The following NRXN3 variants were observed in gnomAD, a reference collection of about 807,000 sequenced individuals.
NRXN3 encodes the protein neurexin III.
Under a neutral mutation model 137.6 loss-of-function variants are expected in NRXN3, and 32 were observed. That is an observed-to-expected ratio of 0.23 (90% CI 0.18 to 0.31). The LOEUF (loss-of-function observed/expected upper bound fraction) is 0.31, where lower values mean the gene tolerates loss of function less well. Among genes scored for constraint, NRXN3 ranks in the 10% least tolerant of loss-of-function variants. The pLI is 1.00. For missense variants in NRXN3, 1,574 were observed against 2,062.5 expected (o/e 0.76, Z 4.59); for synonymous variants, 798 against 784.5 (o/e 1.02, Z -0.29).
At chr14:78,366,081 G>A (rs576319153) in intron 4 of NRXN3, among the ~76,000 whole-genome samples, 2 of 152,054 alleles carry the variant, frequency 1.3e-5, no homozygotes, top group Non-Finnish European at 2.9e-5. Context: ...TTCTTCCTCT[G>A]TAAATGGGGA....
chr14:79,449,990 CAAAAA>C (rs66658022), intron 15 of NRXN3, among the ~76,000 whole-genome samples: 25 of 40,790 alleles, frequency 6.1e-4, no homozygotes, highest in African/African-American at 1.8e-3. Flanking sequence ...AACTCCATCT[CAAAAA>C]AAAAAAAAAA....
At chr14:78,594,547 C>T (rs1280124368) in intron 4 of NRXN3, among the ~76,000 whole-genome samples, 1 of 152,210 alleles carries the variant, frequency 6.6e-6, no homozygotes, top group Non-Finnish European at 1.5e-5. Context: ...ATGGTTTTCT[C>T]AGTAACCGAT....
intron 19 of NRXN3, among the ~76,000 whole-genome samples, chr14:79,724,323 C>T (rs2098866493): frequency 6.6e-6 from 1 of 152,088 alleles, no homozygotes; most frequent in South Asian, 2.1e-4. Flanking sequence ...ACTCTCTATT[C>T]CACAGACATC....
intron 5 of NRXN3, among the ~76,000 whole-genome samples, chr14:78,649,640 A>G (rs2097721089): frequency 6.7e-6 from 1 of 149,768 alleles, no homozygotes. Flanking sequence ...CTTCCAAGTT[A>G]CATACTAGGG....
intron 16 of NRXN3, among the ~76,000 whole-genome samples, chr14:79,492,693 T>C (rs999927817): frequency 6.6e-6 from 1 of 152,190 alleles, no homozygotes; most frequent in African/African-American, 2.4e-5. Flanking sequence ...ATGTATCATT[T>C]TCTAGAATAC....
chr14:78,925,768 A>G (rs220104), intron 10 of NRXN3, among the ~76,000 whole-genome samples: 47,788 of 151,878 alleles, frequency 0.31, 9,112 homozygotes, highest in African/African-American at 0.53. Flanking sequence ...CCTCATAAAA[A>G]CCCGCCAAGG....
intron 2 of NRXN3, among the ~76,000 whole-genome samples, chr14:78,271,568 G>T (rs1035512221): frequency 1.3e-5 from 2 of 152,036 alleles, no homozygotes; most frequent in African/African-American, 4.8e-5. Flanking sequence ...GTCAAACCCT[G>T]TTTCCTCAAG....
intron 19 of NRXN3, among the ~76,000 whole-genome samples, chr14:79,753,637 G>A (rs1413357709): frequency 1.3e-5 from 2 of 151,006 alleles, no homozygotes; most frequent in African/African-American, 4.9e-5. Context: ...GAGTTAATGG[G>A]TGCAGCACAC....
At chr14:79,796,866 A>G (rs1233491932) in intron 19 of NRXN3, among the ~76,000 whole-genome samples, 1 of 152,166 alleles carries the variant, frequency 6.6e-6, no homozygotes, top group Non-Finnish European at 1.5e-5. Context: ...TTTAGTGACA[A>G]TGAATAATTA....
At chr14:79,565,281 A>G (rs2097538010) in intron 16 of NRXN3, among the ~76,000 whole-genome samples, 1 of 148,888 alleles carries the variant, frequency 6.7e-6, no homozygotes, top group Non-Finnish European at 1.5e-5. Context: ...GTGTGTATAC[A>G]TATACGCACA....
chr14:78,482,419 A>G (rs1599257922), intron 4 of NRXN3, among the ~76,000 whole-genome samples: 1 of 152,280 alleles, frequency 6.6e-6, no homozygotes, highest in African/African-American at 2.4e-5. Context: ...AAACTAGATC[A>G]TATGCTTTGT....
At position 79,438,011 on chromosome 14, in the gene NRXN3, C is replaced by A. The variant is rs141443632; in HGVS notation, c.3263-29210C>A. ...TTATTTTTGTACCCCCAGGCCTCAG[C>A]GTGGCTTCTCTTGCAATAGCCAGCA... On this transcript the variant is annotated intron_variant, in intron 15 of 20. Transcript: ENST00000335750. Among the ~76,000 whole-genome samples, 16 of 152,292 alleles carry A rather than the reference C, an allele frequency of 1.1e-4. 1 individual carries two copies. In the South Asian group the frequency reaches 3.1e-3, roughly 30 times the overall value.
chr14:78,443,336 C>G (rs1175349595), intron 4 of NRXN3, among the ~76,000 whole-genome samples: 2 of 152,186 alleles, frequency 1.3e-5, no homozygotes, highest in Non-Finnish European at 2.9e-5. Flanking sequence ...CACTGGGGAA[C>G]CTCTGTGCTT....
At chr14:78,597,208 A>C (rs928580688) in intron 4 of NRXN3, among the ~76,000 whole-genome samples, 5 of 152,180 alleles carry the variant, frequency 3.3e-5, no homozygotes, top group Non-Finnish European at 5.9e-5. Flanking sequence ...GCTGATAAGG[A>C]GGGTGAGGAA....
intron 15 of NRXN3, among the ~76,000 whole-genome samples, chr14:79,004,431 G>A (rs373504218): frequency 6.6e-6 from 1 of 152,278 alleles, no homozygotes; most frequent in East Asian, 1.9e-4. Context: ...TTTTGGTAGA[G>A]ATGAGTTTCA....
chr14:78,613,578 GT>G (rs57745190), intron 4 of NRXN3, among the ~76,000 whole-genome samples: 10,236 of 94,954 alleles, frequency 0.11, 905 homozygotes, highest in African/African-American at 0.35. Context: ...CACAACCATA[GT>G]TTTTTTTTTT....
intron 4 of NRXN3, among the ~76,000 whole-genome samples, chr14:78,380,969 C>G (rs995776361): frequency 1.3e-5 from 2 of 151,872 alleles, no homozygotes; most frequent in Admixed American, 1.3e-4. Context: ...ATAGACACAC[C>G]GATGAACAGA....
At chr14:78,784,246 G>A (rs748516750) in intron 8 of NRXN3, among the ~76,000 whole-genome samples, 2 of 152,072 alleles carry the variant, frequency 1.3e-5, no homozygotes, top group Non-Finnish European at 1.5e-5. Flanking sequence ...AGAGCCAGCC[G>A]TGCAAAATGA....
Position 79,155,998 on chromosome 14 carries a change from T to C in NRXN3, c.3262+167857T>C, listed in dbSNP as rs1047279708. On this transcript the variant is annotated intron_variant, in intron 15 of 20. Transcript: ENST00000335750. ...TCTGGGAAGTTATATCTTTTACATTTATTTTAAAAATCTCTCTCTTCCCTC... is the reference window on the plus strand; with the variant it reads ...TCTGGGAAGTTATATCTTTTACATTCATTTTAAAAATCTCTCTCTTCCCTC... Among the ~76,000 whole-genome samples, 5 of 151,848 alleles carry C rather than the reference T, an allele frequency of 3.3e-5. No individual in the cohort carries two copies. In the East Asian group the frequency reaches 7.8e-4, roughly 24 times the overall value.
Sources: allele counts gnomAD v4.1 joint callset (sites outside exome capture counted in the v4.1 genomes callset), GRCh38; gene constraint gnomAD v4.1.1; transcripts MANE v1.5; gene names NCBI Gene and HGNC (gene_info 2026-07-23, HGNC 2026-07-21).